The following POU2F1 variants were observed in gnomAD, a reference collection of about 807,000 sequenced individuals.
The protein encoded by POU2F1 is POU class 2 homeobox 1, also known as POU domain, class 2, transcription factor 1.
A neutral mutation model predicts 84.9 loss-of-function variants in POU2F1; 16 were observed. That is an observed-to-expected ratio of 0.19 (90% CI 0.13 to 0.29). POU2F1 has a LOEUF of 0.29. Ranked by LOEUF, POU2F1 falls within the 10% of genes least tolerant of loss-of-function variation. The pLI is 1.00. For missense variants in POU2F1, 738 were observed against 942.6 expected (o/e 0.78, Z 2.84); for synonymous variants, 368 against 368.3 (o/e 1.00, Z 0.01).
At chr1:167,340,582 C>T (rs1216168995) in intron 2 of POU2F1, among the ~76,000 whole-genome samples, 1 of 151,760 alleles carries the variant, frequency 6.6e-6, no homozygotes, top group Admixed American at 6.6e-5. Context: ...CAGGTGTGCG[C>T]CCCCACGCCC....
chr1:167,396,473 A>G (rs1331280740), intron 10 of POU2F1, 46 bp downstream of exon 10: 1 of 1,573,984 alleles, frequency 6.4e-7, no homozygotes, highest in African/African-American at 1.4e-5. Context: ...TTGGAATTTT[A>G]CATGGGGATT....
chr1:167,402,381 A>G (rs533761573), intron 13 of POU2F1, among the ~76,000 whole-genome samples: 7 of 152,284 alleles, frequency 4.6e-5, no homozygotes, highest in Admixed American at 2.0e-4. Context: ...CCTTGGCTCT[A>G]TGACCTACCC....
At chr1:167,379,588 C>T (rs1647360872) in intron 7 of POU2F1, 1 of 152,128 alleles carries the variant, frequency 6.6e-6, no homozygotes, top group African/African-American at 2.4e-5. Context: ...AAAGATACTG[C>T]ATTTTCAGAA....
At chr1:167,221,208 G>A (rs1183418055) in intron 1 of POU2F1, among the ~76,000 whole-genome samples, 1 of 151,430 alleles carries the variant, frequency 6.6e-6, no homozygotes, top group Non-Finnish European at 1.5e-5. Context: ...TCCTGCACCC[G>A]GCCCACCCCG....
intron 1 of POU2F1, among the ~76,000 whole-genome samples, chr1:167,259,911 C>T (rs1651426185): frequency 6.6e-6 from 1 of 151,696 alleles, no homozygotes; most frequent in African/African-American, 2.4e-5. Flanking sequence ...CAGAGTCTCG[C>T]TCTGTCGCCC....
intron 15 of POU2F1, among the ~76,000 whole-genome samples, chr1:167,414,054 A>G (rs75122773): frequency 0.017 from 2,574 of 152,198 alleles, 73 homozygotes; most frequent in African/African-American, 0.058. Flanking sequence ...AAAAATAACT[A>G]TTAGCCAACC....
chr1:167,233,520 T>A (rs1443910716), intron 1 of POU2F1, among the ~76,000 whole-genome samples: 1 of 152,220 alleles, frequency 6.6e-6, no homozygotes, highest in East Asian at 1.9e-4. Flanking sequence ...TGTACAGGTT[T>A]GTAGTCTAGG....
intron 2 of POU2F1, among the ~76,000 whole-genome samples, chr1:167,348,133 G>T (rs906850070): frequency 6.6e-6 from 1 of 152,172 alleles, no homozygotes; most frequent in Non-Finnish European, 1.5e-5. Flanking sequence ...AACGAAGATG[G>T]TATAGCCTAT....
At chr1:167,239,240 C>T (rs1649728250) in intron 1 of POU2F1, among the ~76,000 whole-genome samples, 1 of 152,126 alleles carries the variant, frequency 6.6e-6, no homozygotes, top group Non-Finnish European at 1.5e-5. Context: ...AGAAAAAGAA[C>T]ACTAGATTAA....
At chr1:167,347,440 C>T (rs532568666) in intron 2 of POU2F1, among the ~76,000 whole-genome samples, 4 of 152,242 alleles carry the variant, frequency 2.6e-5, no homozygotes, top group Non-Finnish European at 2.9e-5. Flanking sequence ...TTTATACAGA[C>T]GAGGCTGGCT....
At chr1:167,331,800 T>C (rs1007418488) in intron 1 of POU2F1, among the ~76,000 whole-genome samples, 1 of 152,112 alleles carries the variant, frequency 6.6e-6, no homozygotes, top group Non-Finnish European at 1.5e-5. Context: ...AGTATTACTT[T>C]AAGTGGGTGT....
chr1:167,246,013 C>G (rs1284810733), intron 1 of POU2F1, among the ~76,000 whole-genome samples: 1 of 152,142 alleles, frequency 6.6e-6, no homozygotes, highest in East Asian at 1.9e-4. Flanking sequence ...GCTTACAAAT[C>G]TAAAAATAAG....
rs748992444 is a variant in POU2F1 at position 167,268,766 on chromosome 1, C to G, written c.61+47808C>G. Among the ~76,000 whole-genome samples, 5 of 152,158 alleles carry G rather than the reference C, an allele frequency of 3.3e-5. No homozygotes were observed. The East Asian group carries it at 7.7e-4, about 23-fold the overall frequency. On this transcript the variant is annotated intron_variant, in intron 1 of 15. Transcript: ENST00000367866. ...AGTGGAAGTGGAGAGCAATGCACAC[C>G]GAGTAGTAAAACCTCACAAGAAGGG...
chr1:167,414,371 T>A (rs1312027620), intron 15 of POU2F1: 1 of 985,298 alleles, frequency 1.0e-6, no homozygotes, highest in Non-Finnish European at 1.2e-6. Context: ...AAGTTTGGAA[T>A]CTCAGAAAAA....
intron 1 of POU2F1, among the ~76,000 whole-genome samples, chr1:167,305,290 T>TGATC (rs2102581093): frequency 6.6e-6 from 1 of 152,096 alleles, no homozygotes; most frequent in East Asian, 1.9e-4. Flanking sequence ...CAGACTCACG[T>TGATC]GATCATCCCA....
intron 1 of POU2F1, among the ~76,000 whole-genome samples, chr1:167,247,259 G>A (rs1650401379): frequency 6.6e-6 from 1 of 151,926 alleles, no homozygotes; most frequent in African/African-American, 2.4e-5. Flanking sequence ...TTTATTTTTT[G>A]TAGAGACGGT....
At position 167,426,860 on chromosome 1, in the gene POU2F1, A is replaced by AT. The variant is rs1421681504; in HGVS notation, c.*11051dup. On this transcript the variant is annotated 3_prime_UTR_variant, in exon 16 of 16. Transcript: ENST00000367866. ...GGGAGTCCTTCTACATTTCTCTTAG[A>AT]TAACTCTGCACTCTGGGTGGCTATT... The AT allele has an allele frequency of 3.3e-5, 5 of 152,270 alleles. No individual in the cohort carries two copies. The East Asian group carries it at 9.6e-4, about 29-fold the overall frequency. 9.4% of individuals were successfully genotyped at this position (152,270 alleles called of 1,614,324 possible). A position where few individuals can be genotyped will look rare whatever the true frequency, so the allele number is the denominator to read the frequency against.
At chr1:167,285,772 G>A (rs922953412) in intron 1 of POU2F1, among the ~76,000 whole-genome samples, 6 of 152,110 alleles carry the variant, frequency 3.9e-5, no homozygotes, top group Admixed American at 2.6e-4. Context: ...AGGCGCTGTG[G>A]TAGGTTTTTG....
chr1:167,321,285 A>G (rs969803899), intron 1 of POU2F1, among the ~76,000 whole-genome samples: 5 of 152,218 alleles, frequency 3.3e-5, no homozygotes, highest in African/African-American at 7.2e-5. Flanking sequence ...ACACTTTCCT[A>G]TAAAAACACT....
Sources: gnomAD v4.1 joint callset for allele counts (sites outside exome capture counted in the v4.1 genomes callset) on GRCh38, gnomAD v4.1.1 for gene constraint, MANE v1.5 for transcripts, NCBI Gene and HGNC (gene_info 2026-07-23, HGNC 2026-07-21) for gene names.